Variants in ZC4H2 observed in about 807,000 individuals in gnomAD.
ZC4H2 encodes zinc finger C4H2-type containing.
For missense variants in ZC4H2, 137 were observed against 173.9 expected, an observed-to-expected ratio of 0.79 and a Z score of 1.19; for synonymous variants, 84 against 66.3, an observed-to-expected ratio of 1.27 and a Z score of -1.30.
At chrX:65,013,370 C>T (rs769742078) in intron 1 of ZC4H2, among the ~76,000 whole-genome samples, 2 of 111,819 alleles carry the variant, frequency 1.8e-5, no homozygotes, top group South Asian at 3.8e-4. Flanking sequence ...TAATCCCCTC[C>T]TATTAGGGGC....
intron 1 of ZC4H2, among the ~76,000 whole-genome samples, chrX:65,014,505 G>C (rs1030303907): frequency 1.8e-5 from 2 of 111,739 alleles, no homozygotes; most frequent in Admixed American, 1.9e-4. Flanking sequence ...CAAAAACTGT[G>C]AGAGCAATTC....
chrX:64,969,089 C>T (rs965863987), intron 1 of ZC4H2, among the ~76,000 whole-genome samples: 4 of 111,878 alleles, frequency 3.6e-5, no homozygotes, highest in East Asian at 5.6e-4. Context: ...AATTACTTCC[C>T]GAAAGGTCTC....
intron 1 of ZC4H2, among the ~76,000 whole-genome samples, chrX:64,994,025 T>A (rs1237439642): frequency 1.8e-5 from 2 of 112,012 alleles, no homozygotes; most frequent in Non-Finnish European, 3.8e-5. Context: ...ATGAAAAAGG[T>A]CTATATCAGA....
rs1471904276 is a variant in ZC4H2 at position 64,924,279 on chromosome X, C to A, written c.54-2291G>T. Reference sequence around the variant, plus strand: ...CTCTGATTAACTATTTGCTTTTGGACAATAATAACAACTGTATTTTAACTA... The same window carrying A: ...CTCTGATTAACTATTTGCTTTTGGAAAATAATAACAACTGTATTTTAACTA... On this transcript the variant is annotated intron_variant, in intron 1 of 4. Coordinates refer to ENST00000374839, the MANE Select transcript of ZC4H2 (RefSeq NM_018684.4). Among the ~76,000 whole-genome samples, 3 of 111,902 alleles carry A rather than the reference C, an allele frequency of 2.7e-5. No individual in the cohort carries two copies. In the East Asian group the frequency reaches 8.4e-4, roughly 31 times the overall value.
At chrX:64,933,937 G>T (rs1164044355) in intron 1 of ZC4H2, among the ~76,000 whole-genome samples, 1 of 111,667 alleles carries the variant, frequency 9.0e-6, no homozygotes, top group African/African-American at 3.3e-5. Flanking sequence ...CTTGATAAGG[G>T]TGTTGGAGGA....
At chrX:65,032,165 T>C (rs1479019641) in intron 1 of ZC4H2, among the ~76,000 whole-genome samples, 3 of 111,852 alleles carry the variant, frequency 2.7e-5, no homozygotes, top group South Asian at 3.7e-4. Flanking sequence ...GGAGTTTAAG[T>C]ACAGCAGTGG....
At chrX:64,955,613 G>A (rs1931124479) in intron 1 of ZC4H2, among the ~76,000 whole-genome samples, 1 of 111,773 alleles carries the variant, frequency 8.9e-6, no homozygotes, top group Non-Finnish European at 1.9e-5. Flanking sequence ...CCCAGAAGAA[G>A]ATGGCATCTC....
intron 1 of ZC4H2, among the ~76,000 whole-genome samples, chrX:64,990,987 A>G (rs942818735): frequency 2.7e-5 from 3 of 112,103 alleles, no homozygotes; most frequent in African/African-American, 9.7e-5. Flanking sequence ...GGCAAAGACT[A>G]CACTGAAAGG....
At chrX:65,003,753 T>C (rs934511076) in intron 1 of ZC4H2, among the ~76,000 whole-genome samples, 1 of 109,460 alleles carries the variant, frequency 9.1e-6, no homozygotes, top group African/African-American at 3.3e-5. Flanking sequence ...GGCGGGTGCC[T>C]GTAGTCCCAG....
intron 1 of ZC4H2, among the ~76,000 whole-genome samples, chrX:65,007,516 G>C (rs773468943): frequency 2.7e-5 from 3 of 111,914 alleles, no homozygotes; most frequent in Admixed American, 9.5e-5. Flanking sequence ...AGTTGTTTTT[G>C]AATGTCCCAG....
chrX:64,938,571 A>G (rs1444988587), intron 1 of ZC4H2, among the ~76,000 whole-genome samples: 1 of 112,131 alleles, frequency 8.9e-6, no homozygotes, highest in Non-Finnish European at 1.9e-5. Flanking sequence ...GCAGCACATT[A>G]AAAAGCTTAT....
chrX:64,954,324 A>ATATATATATAAT (rs1931034677), intron 1 of ZC4H2, among the ~76,000 whole-genome samples: 1 of 75,361 alleles, frequency 1.3e-5, no homozygotes, highest in African/African-American at 7.7e-5. Flanking sequence ...ATAATTATAT[A>ATATATATATAAT]TATATATATA....
In ZC4H2 at chrX:64,916,125, G is replaced by GA. The variant is rs1174530097; in HGVS notation, c.*1657dup. ...TTCCTCTTACTAGCTGTTTAACTCT[G>GA]AAAAAGCTTTTAAGTTTTTGGAGGT... is the stretch of plus-strand genomic sequence containing the variant. On this transcript the variant is annotated 3_prime_UTR_variant, in exon 5 of 5. Coordinates refer to ENST00000374839, the MANE Select transcript of ZC4H2 (RefSeq NM_018684.4). 8.9e-6 allele frequency: 1 copy of GA among 111,906 alleles called. No individual in the cohort carries two copies. The highest frequency in any genetic ancestry group is 2.8e-4 in the East Asian group (1 of 3,568). 9.2% of individuals were successfully genotyped at this position (111,906 alleles called of 1,213,427 possible). A position where few individuals can be genotyped will look rare whatever the true frequency, so the allele number is the denominator to read the frequency against.
At chrX:65,015,102 A>G (rs951315545) in intron 1 of ZC4H2, among the ~76,000 whole-genome samples, 4 of 109,418 alleles carry the variant, frequency 3.7e-5, no homozygotes, top group Non-Finnish European at 7.7e-5. Flanking sequence ...ATCAATTAAT[A>G]TTTGCTTGAG....
rs1411469185 is a variant in ZC4H2, at chrX:64,975,065, G to A, written c.53+1260C>T. On this transcript the variant is annotated intron_variant, in intron 1 of 4. Transcript: ENST00000374839. ...ACATAGTGGGAAAAGGAATACCTTT[G>A]CAGGCAGACCAACAAAATGTGGCAA... is the stretch of plus-strand genomic sequence containing the variant. 2.8e-5 allele frequency among the ~76,000 whole-genome samples: 3 copies of A among 107,027 alleles called. No homozygotes were observed. In the East Asian group the frequency reaches 8.9e-4, roughly 32 times the overall value. 92.9% of individuals were successfully genotyped at this position (107,027 alleles called of 115,157 possible). A position where few individuals can be genotyped will look rare whatever the true frequency, so the allele number is the denominator to read the frequency against.
At chrX:64,994,565 A>G (rs892968842) in intron 1 of ZC4H2, among the ~76,000 whole-genome samples, 25 of 111,841 alleles carry the variant, frequency 2.2e-4, no homozygotes, top group Non-Finnish European at 4.5e-4. Flanking sequence ...TGACTTTACC[A>G]TTTCCAGCCT....
At chrX:64,975,263 T>C (rs1040147569) in intron 1 of ZC4H2, among the ~76,000 whole-genome samples, 2 of 110,762 alleles carry the variant, frequency 1.8e-5, no homozygotes, top group African/African-American at 6.6e-5. Context: ...TTCCCTTCCT[T>C]TACCTCTCCT....
At chrX:64,964,110 C>T (rs1222304365) in intron 1 of ZC4H2, among the ~76,000 whole-genome samples, 2 of 110,726 alleles carry the variant, frequency 1.8e-5, no homozygotes, top group Non-Finnish European at 3.8e-5. Context: ...AAGAGATTTG[C>T]AGTACAACAT....
intron 1 of ZC4H2, among the ~76,000 whole-genome samples, chrX:65,027,250 A>T (rs189126124): frequency 8.9e-6 from 1 of 111,986 alleles, no homozygotes; most frequent in African/African-American, 3.2e-5. Context: ...AGTAATGTGG[A>T]GCTTGAAGTG....
Sources: allele counts gnomAD v4.1 joint callset (sites outside exome capture counted in the v4.1 genomes callset), GRCh38; gene constraint gnomAD v4.1.1; transcripts MANE v1.5; gene names NCBI Gene and HGNC (gene_info 2026-07-23, HGNC 2026-07-21).